Variants in NBEA observed in about 807,000 individuals in gnomAD.
NBEA encodes lysosomal-trafficking regulator 2.
In NBEA, 44 loss-of-function variants were observed where a neutral mutation model predicts 343.4. The ratio of observed to expected loss-of-function variants is 0.13; its 90% CI spans 0.10 to 0.16. The LOEUF (loss-of-function observed/expected upper bound fraction) is 0.16. Ranked by LOEUF, NBEA falls within the 10% of genes least tolerant of loss-of-function variation. The pLI is 1.00. For missense variants in NBEA, 2,555 were observed against 3,631.3 expected, an observed-to-expected ratio of 0.70 and a Z score of 7.62; for synonymous variants, 1,175 against 1,238.7, an observed-to-expected ratio of 0.95 and a Z score of 1.08.
rs150589810 is a variant in NBEA, at chr13:35,635,208, T to C, written c.7617+6960T>C. Among the ~76,000 whole-genome samples the C allele has an allele frequency of 4.7e-3, 713 of 152,312 alleles. 7 individuals carry two copies. Among genetic ancestry groups the C allele is most frequent in the African/African-American group, 0.016 (679 of 41,572 alleles). On this transcript the variant is annotated intron_variant, in intron 49 of 58. Transcript: ENST00000379939. Reference sequence around the variant, plus strand: ...TTCTTTATTCTTTCTATGAATCCTTTATTCCTCAGCCTTTCCTCCCCCCAT... The same window carrying C: ...TTCTTTATTCTTTCTATGAATCCTTCATTCCTCAGCCTTTCCTCCCCCCAT...
intron 41 of NBEA, among the ~76,000 whole-genome samples, chr13:35,518,618 G>A (rs1399107946): frequency 6.6e-6 from 1 of 152,140 alleles, no homozygotes; most frequent in African/African-American, 2.4e-5. Flanking sequence ...TGGTTAGAAT[G>A]GTATTACTTG....
Position 35,339,262 on chromosome 13 carries a change from C to CAA in NBEA, c.5904-9837_5904-9836dup, listed in dbSNP as rs34209782. Among the ~76,000 whole-genome samples the CAA allele has an allele frequency of 7.6e-5, 11 of 144,334 alleles. No individual in the cohort carries two copies. The East Asian group carries it at 8.1e-4, about 11-fold the overall frequency. The allele number at this position is 144,334 out of a possible 152,430, so 94.7% of individuals were successfully genotyped here. A position where few individuals can be genotyped will look rare whatever the true frequency, so the allele number is the denominator to read the frequency against. On this transcript the variant is annotated intron_variant, in intron 36 of 58. Coordinates refer to ENST00000379939, the MANE Select transcript of NBEA (RefSeq NM_001385012.1). ...ATATAGCAAACCTTAAAGAAACTAC[C>CAA]AAAAAAAAAAGGATCTGTTAGAGCT...
At chr13:35,197,605 C>T (rs1260859456) in intron 31 of NBEA, among the ~76,000 whole-genome samples, 1 of 151,954 alleles carries the variant, frequency 6.6e-6, no homozygotes, top group Non-Finnish European at 1.5e-5. Context: ...GCAACCTCCA[C>T]CTCCTGGGTT....
chr13:35,270,970 G>T (rs1303507803), intron 34 of NBEA, among the ~76,000 whole-genome samples: 1 of 152,198 alleles, frequency 6.6e-6, no homozygotes, highest in Non-Finnish European at 1.5e-5. Context: ...AAACGTCCCT[G>T]CCTGACAGCA....
intron 41 of NBEA, chr13:35,475,473 C>G: frequency 6.2e-7 from 1 of 1,612,648 alleles, no homozygotes; most frequent in Non-Finnish European, 8.5e-7. Flanking sequence ...CCGCCGAGCT[C>G]TGCTTGCCGG....
At chr13:35,116,070 C>T (rs2066478913) in intron 13 of NBEA, among the ~76,000 whole-genome samples, 1 of 152,102 alleles carries the variant, frequency 6.6e-6, no homozygotes, top group South Asian at 2.1e-4. Flanking sequence ...ATGGTGAGGG[C>T]TTTGGCATGC....
In NBEA at chr13:35,179,686, ATTTG is replaced by A. The variant is rs1484090650; in HGVS notation, c.4662+2586_4662+2589del. 4.3e-6 allele frequency: 3 copies of A among 692,730 alleles called. No individual in the cohort carries two copies. In the African/African-American group the frequency reaches 5.9e-5, roughly 14 times the overall value. 42.9% of individuals were successfully genotyped at this position (692,730 alleles called of 1,614,324 possible). A position where few individuals can be genotyped will look rare whatever the true frequency, so the allele number is the denominator to read the frequency against. On this transcript the variant is annotated intron_variant, in intron 28 of 58. Transcript: ENST00000379939. The stretch of plus-strand genomic sequence containing the variant: ...GCATTCATTCATTCATTCCACACAT[ATTTG>A]TTGAATGCCTTCTGATTGCCTGGTA...
At chr13:35,113,674 A>T (rs951990048) in intron 13 of NBEA, among the ~76,000 whole-genome samples, 1 of 151,918 alleles carries the variant, frequency 6.6e-6, no homozygotes, top group Non-Finnish European at 1.5e-5. Context: ...CATGTATTCA[A>T]TGTGTTATAT....
chr13:35,476,303 CT>C (rs1461011019), intron 41 of NBEA: 1 of 520,802 alleles, frequency 1.9e-6, no homozygotes, highest in East Asian at 6.0e-5. Context: ...TTCCCTGCTG[CT>C]GCTGCTGCTG....
intron 39 of NBEA, among the ~76,000 whole-genome samples, chr13:35,447,490 T>TTA (rs138285284): frequency 0.17 from 24,903 of 150,664 alleles, 2,493 homozygotes; most frequent in South Asian, 0.3. Context: ...ATACAGAGCT[T>TTA]TATATATATA....
chr13:35,460,519 C>T (rs941853928), intron 40 of NBEA, among the ~76,000 whole-genome samples: 1 of 152,162 alleles, frequency 6.6e-6, no homozygotes, highest in Non-Finnish European at 1.5e-5. Context: ...ATAAAAGCTT[C>T]ATCTTGAATA....
At chr13:35,633,922 A>G (rs2083581832) in intron 49 of NBEA, among the ~76,000 whole-genome samples, 1 of 152,122 alleles carries the variant, frequency 6.6e-6, no homozygotes, top group Non-Finnish European at 1.5e-5. Context: ...TTTTAAATTT[A>G]TTTTCAATAC....
chr13:35,266,483 T>TAC (rs945181910), intron 34 of NBEA, among the ~76,000 whole-genome samples: 3 of 151,866 alleles, frequency 2.0e-5, no homozygotes, highest in African/African-American at 7.2e-5. Flanking sequence ...ACGCTATATA[T>TAC]ACACAGTGGA....
At chr13:35,059,380 T>C (rs1232946441) in intron 8 of NBEA, among the ~76,000 whole-genome samples, 1 of 151,900 alleles carries the variant, frequency 6.6e-6, no homozygotes, top group Non-Finnish European at 1.5e-5. Context: ...ATGTAATTTA[T>C]CATATTCTTT....
chr13:35,212,694 A>T (rs2073850023), intron 33 of NBEA, among the ~76,000 whole-genome samples: 1 of 152,102 alleles, frequency 6.6e-6, no homozygotes, highest in African/African-American at 2.4e-5. Context: ...GATAGGACTT[A>T]GTATTTAGTC....
At chr13:35,188,729 C>T (rs983317643) in intron 30 of NBEA, among the ~76,000 whole-genome samples, 12 of 151,994 alleles carry the variant, frequency 7.9e-5, no homozygotes, top group Non-Finnish European at 1.8e-4. Context: ...GATTTCATAT[C>T]ACTTGGATAT....
rs868130776 is a variant in NBEA at position 35,667,613 on chromosome 13, G to A, written c.8661+43G>A. 20 of 1,497,096 alleles carry A rather than the reference G, an allele frequency of 1.3e-5. 1 individual carries two copies. In the Middle Eastern group the frequency reaches 1.4e-3, roughly 103 times the overall value. 92.7% of individuals were successfully genotyped at this position (1,497,096 alleles called of 1,614,324 possible). Reference sequence around the variant, plus strand: ...GTGCTAAGTAGGACTGAAGCCAAGAGATTAAAGATTGATTGTTTTACATTA... The same window carrying A: ...GTGCTAAGTAGGACTGAAGCCAAGAAATTAAAGATTGATTGTTTTACATTA... On this transcript the variant is annotated intron_variant, in intron 57 of 58. Coordinates refer to ENST00000379939, the MANE Select transcript of NBEA (RefSeq NM_001385012.1).
intron 41 of NBEA, among the ~76,000 whole-genome samples, chr13:35,516,175 T>G (rs1429359133): frequency 6.6e-6 from 1 of 152,146 alleles, no homozygotes; most frequent in Non-Finnish European, 1.5e-5. Context: ...CACTCAAAGA[T>G]TAATTTGGGA....
At chr13:35,007,142 T>G (rs1413673465) in intron 1 of NBEA, among the ~76,000 whole-genome samples, 1 of 152,206 alleles carries the variant, frequency 6.6e-6, no homozygotes, top group Non-Finnish European at 1.5e-5. Flanking sequence ...TATCTATAGC[T>G]TAATTTATTT....
Sources: gnomAD v4.1 joint callset for allele counts (sites outside exome capture counted in the v4.1 genomes callset) on GRCh38, gnomAD v4.1.1 for gene constraint, MANE v1.5 for transcripts, NCBI Gene and HGNC (gene_info 2026-07-23, HGNC 2026-07-21) for gene names.